Variants in CYSTM1 observed in about 807,000 individuals in gnomAD.
CYSTM1 encodes cysteine-rich transmembrane module-containing protein 1.
In CYSTM1, 4 loss-of-function variants were observed where a neutral mutation model predicts 13.1. The observed-to-expected ratio is 0.31, with a 90% CI of 0.15 to 0.70. The LOEUF is 0.70. CYSTM1 is among the 30% of genes least tolerant of loss of function. The pLI is 0.72. For synonymous variants in CYSTM1, 36 were observed against 42.7 expected (o/e 0.84, Z 0.62); for missense variants, 96 against 121.6 (o/e 0.79, Z 0.99).
At position 140,230,354 on chromosome 5, in the gene CYSTM1, A is replaced by G. The variant is rs144237595; in HGVS notation, c.188-12951A>G. Among the ~76,000 whole-genome samples, 245 of 152,320 alleles carry G rather than the reference A, an allele frequency of 1.6e-3. No homozygotes were observed. Among genetic ancestry groups the G allele is most frequent in the African/African-American group, 5.6e-3 (231 of 41,574 alleles). ...TTTTGAGAAAAGAAATGCTTTTATT[A>G]TAAGTTAACAATTAGACAGGATTCC... On this transcript the variant is annotated intron_variant, in intron 2 of 2. Transcript: ENST00000261811. This position sits in a 1 kb window ranked among gnomAD's most constrained non-coding sequence, Gnocchi z 4.1.
intron 2 of CYSTM1, among the ~76,000 whole-genome samples, chr5:140,208,676 T>G (rs1301923279): frequency 1.3e-5 from 2 of 152,178 alleles, no homozygotes; most frequent in African/African-American, 4.8e-5. Context: ...AAACATCTCA[T>G]GTACCCCATA....
At chr5:140,215,088 A>G (rs763006308) in intron 2 of CYSTM1, among the ~76,000 whole-genome samples, 1 of 152,208 alleles carries the variant, frequency 6.6e-6, no homozygotes, top group Non-Finnish European at 1.5e-5. Context: ...CACAGGGGAA[A>G]CTTGAGAAGG....
At chr5:140,208,077 A>G (rs982594089) in intron 2 of CYSTM1, among the ~76,000 whole-genome samples, 1 of 152,222 alleles carries the variant, frequency 6.6e-6, no homozygotes, top group African/African-American at 2.4e-5. Flanking sequence ...TGATCCAGCA[A>G]TCCCACTGCT....
intron 2 of CYSTM1, chr5:140,201,983 T>G (rs1764239776): frequency 7.0e-6 from 1 of 143,316 alleles, no homozygotes; most frequent in Non-Finnish European, 1.5e-5. Flanking sequence ...TCATCCAGGC[T>G]GGAGTGCAGT....
chr5:140,195,629 G>A (rs896234618), intron 2 of CYSTM1, among the ~76,000 whole-genome samples: 1 of 151,402 alleles, frequency 6.6e-6, no homozygotes, highest in African/African-American at 2.4e-5. Flanking sequence ...TTTTAGCAGA[G>A]ACTGTGTTAG....
At chr5:140,207,241 A>C (rs1739149363) in intron 2 of CYSTM1, among the ~76,000 whole-genome samples, 1 of 152,138 alleles carries the variant, frequency 6.6e-6, no homozygotes, top group Admixed American at 6.5e-5. Flanking sequence ...CTGGCCCCTC[A>C]ACTAGAAGAC....
At position 140,233,332 on chromosome 5, in the gene CYSTM1, G is replaced by A. The variant is rs146937878; in HGVS notation, c.188-9973G>A. ...CTGCTGGTGTATTCTATGAGGATCT[G>A]TGGATACTTTATTGCTGAGAAGTAT... On this transcript the variant is annotated intron_variant, in intron 2 of 2. Transcript: ENST00000261811. 3.4e-3 allele frequency among the ~76,000 whole-genome samples: 523 copies of A among 152,316 alleles called. 4 individuals carry two copies. The highest frequency in any genetic ancestry group is 0.012 in the African/African-American group (492 of 41,566).
At chr5:140,195,586 C>T (rs1055691479) in intron 2 of CYSTM1, among the ~76,000 whole-genome samples, 1 of 151,556 alleles carries the variant, frequency 6.6e-6, no homozygotes, top group South Asian at 2.1e-4. Flanking sequence ...GGACTACAGG[C>T]GCCTGCCACC....
At chr5:140,218,978 T>G (rs1378000009) in intron 2 of CYSTM1, among the ~76,000 whole-genome samples, 1 of 152,212 alleles carries the variant, frequency 6.6e-6, no homozygotes, top group African/African-American at 2.4e-5. Flanking sequence ...CTTACAGTTT[T>G]CATGGCAAGA....
chr5:140,178,441 C>CTTTTTTTTTTTTTTTTTTTTTTTTTT lies in CYSTM1; in HGVS notation c.-21+3181_-21+3182insTTTTTTTTTTTTTTTTTTTTTTTTTT, dbSNP rs577709524. Among the ~76,000 whole-genome samples, 9 of 52,666 alleles carry CTTTTTTTTTTTTTTTTTTTTTTTTTT rather than the reference C, an allele frequency of 1.7e-4. 2 individuals carry two copies. The highest frequency in any genetic ancestry group is 2.3e-4 in the Non-Finnish European group (7 of 30,434). The allele number at this position is 52,666 out of a possible 152,430, so 34.6% of individuals were successfully genotyped here. A position where few individuals can be genotyped will look rare whatever the true frequency, so the allele number is the denominator to read the frequency against. ...TGGAAAAGCCCTATTCAAGTCCTTC[C>CTTTTTTTTTTTTTTTTTTTTTTTTTT]TTTTTTTTTTTTTTTTTTTTTTTTT... On this transcript the variant is annotated intron_variant, in intron 1 of 2. Coordinates refer to ENST00000261811, the MANE Select transcript of CYSTM1 (RefSeq NM_032412.4).
intron 2 of CYSTM1, among the ~76,000 whole-genome samples, chr5:140,234,757 A>G (rs1764658805): frequency 6.6e-6 from 1 of 152,176 alleles, no homozygotes; most frequent in South Asian, 2.1e-4. Flanking sequence ...GTCAGCCACC[A>G]TCATTCACAA....
rs77315306 is a variant in CYSTM1 at position 140,233,805 on chromosome 5, C to T, written c.188-9500C>T. Among the ~76,000 whole-genome samples the T allele has an allele frequency of 6.1e-4, 93 of 152,308 alleles. 1 individual carries two copies. The East Asian group carries it at 0.016, about 27-fold the overall frequency. On this transcript the variant is annotated intron_variant, in intron 2 of 2. Coordinates refer to ENST00000261811, the MANE Select transcript of CYSTM1 (RefSeq NM_032412.4). ...AGTGTTTTTTCAAGTCTTTTATCCA[C>T]TTTCAAATTGGGTTGTTTTCTTACT...
chr5:140,226,586 T>TTATATATATA (rs549334525), intron 2 of CYSTM1, among the ~76,000 whole-genome samples: 14 of 75,278 alleles, frequency 1.9e-4, no homozygotes, highest in African/African-American at 3.4e-4. Flanking sequence ...ATACTAAATA[T>TTATATATATA]TATATATATA....
Position 140,194,584 on chromosome 5 carries a change from G to T in CYSTM1, c.119G>T (p.Gly40Val), listed in dbSNP as rs374326696. 3.2e-5 allele frequency: 52 copies of T among 1,613,406 alleles called. No individual in the cohort carries two copies. The highest frequency in any genetic ancestry group is 4.2e-5 in the Non-Finnish European group (50 of 1,179,716). The change falls in exon 2 of 3, where the codon GGG becomes GTG. Residue 40 changes from glycine to valine, a missense_variant. Transcript: ENST00000261811. ...PMGGPYPPPQ[G>V]YPYQGYPQYG... ...GGGGGACCCTACCCACCTCCTCAAGGGTACCCCTACCAAGGATACCCACAG... is the reference window on the plus strand; with the variant it reads ...GGGGGACCCTACCCACCTCCTCAAGTGTACCCCTACCAAGGATACCCACAG...
At chr5:140,206,067 C>T (rs927690853) in intron 2 of CYSTM1, among the ~76,000 whole-genome samples, 2 of 152,166 alleles carry the variant, frequency 1.3e-5, no homozygotes, top group Admixed American at 6.5e-5. Context: ...TTTGCCCCTG[C>T]GCCCTCTGCT....
At chr5:140,228,517 G>A (rs1764586478) in intron 2 of CYSTM1, among the ~76,000 whole-genome samples, 2 of 152,212 alleles carry the variant, frequency 1.3e-5, no homozygotes, top group East Asian at 1.9e-4. Flanking sequence ...ACAGTGGTCT[G>A]ATAGCTGCTG....
intron 1 of CYSTM1, among the ~76,000 whole-genome samples, chr5:140,189,908 T>C (rs916358575): frequency 6.6e-6 from 1 of 152,240 alleles, no homozygotes; most frequent in African/African-American, 2.4e-5. Context: ...GTCTGTGATA[T>C]GTTGTGATTT....
intron 2 of CYSTM1, among the ~76,000 whole-genome samples, chr5:140,220,680 G>C (rs1764478485): frequency 6.6e-6 from 1 of 152,234 alleles, no homozygotes; most frequent in East Asian, 1.9e-4. Context: ...GAAGGAGACT[G>C]AGCTAAGTGT....
At chr5:140,233,905 C>T (rs573939182) in intron 2 of CYSTM1, among the ~76,000 whole-genome samples, 3 of 152,226 alleles carry the variant, frequency 2.0e-5, no homozygotes, top group Admixed American at 6.5e-5. Flanking sequence ...ATTTTCTCTG[C>T]GTCTGTAGCC....
Sources: allele counts gnomAD v4.1 joint callset (sites outside exome capture counted in the v4.1 genomes callset), GRCh38; gene constraint gnomAD v4.1.1; non-coding constraint Gnocchi (gnomAD v3.1); transcripts MANE v1.5; gene names NCBI Gene and HGNC (gene_info 2026-07-23, HGNC 2026-07-21).